SORCS2: variants seen among roughly 807,000 people sequenced by gnomAD.
SORCS2 encodes VPS10 domain-containing receptor SorCS2.
In SORCS2, 100 loss-of-function variants were observed where a neutral mutation model predicts 141.6. That is an observed-to-expected ratio of 0.71 (90% CI 0.60 to 0.83). SORCS2 has a LOEUF of 0.83. Among genes scored for constraint, SORCS2 ranks in the 40% least tolerant of loss-of-function variants. The pLI is 0.00. For synonymous variants in SORCS2, 789 were observed against 676.9 expected (o/e 1.17, Z -2.57); for missense variants, 1,646 against 1,560.2 (o/e 1.05, Z -0.93).
chr4:7,421,904 C>G (rs1726092892), intron 2 of SORCS2, among the ~76,000 whole-genome samples: 1 of 96,730 alleles, frequency 1.0e-5, no homozygotes, highest in Non-Finnish European at 2.3e-5. Context: ...AGAGGGAGGG[C>G]AGGGGCTGGG....
At chr4:7,277,086 GC>G (rs1202057466) in intron 1 of SORCS2, among the ~76,000 whole-genome samples, 1 of 123,086 alleles carries the variant, frequency 8.1e-6, no homozygotes, top group Non-Finnish European at 1.6e-5. Flanking sequence ...GGCTCTCCCT[GC>G]CCCCACGTCC....
chr4:7,345,772 C>T lies in SORCS2; in HGVS notation c.481-50516C>T, dbSNP rs551892384. ...AAGATCTTTGGTAACCCTTCTGCAG[C>T]AGACCCAGTCTTCCTTCCTGCCGCC... is the stretch of plus-strand genomic sequence containing the variant. On this transcript the variant is annotated intron_variant, in intron 1 of 26. Transcript: ENST00000507866. Among the ~76,000 whole-genome samples, 112 of 152,220 alleles carry T rather than the reference C, an allele frequency of 7.4e-4. 1 individual carries two copies. The highest frequency in any genetic ancestry group is 6.8e-4 in the Non-Finnish European group (46 of 68,036).
chr4:7,237,101 G>A lies in SORCS2; in HGVS notation c.480+43975G>A, dbSNP rs528044864. Among the ~76,000 whole-genome samples the A allele has an allele frequency of 2.6e-5, 4 of 152,324 alleles. No individual in the cohort carries two copies. The East Asian group carries it at 5.8e-4, about 22-fold the overall frequency. On this transcript the variant is annotated intron_variant, in intron 1 of 26. Coordinates refer to ENST00000507866, the MANE Select transcript of SORCS2 (RefSeq NM_020777.3). ...AGTTCCTGGCAGTGGTGCAGGAGGAGTTTGGGGCCTCAAGTCCGGCCGAGA... is the reference window on the plus strand; with the variant it reads ...AGTTCCTGGCAGTGGTGCAGGAGGAATTTGGGGCCTCAAGTCCGGCCGAGA...
At chr4:7,732,475 C>T (rs1002757691) in intron 23 of SORCS2, among the ~76,000 whole-genome samples, 3 of 152,152 alleles carry the variant, frequency 2.0e-5, no homozygotes, top group Admixed American at 6.5e-5. Flanking sequence ...GGAGGATGCC[C>T]GTGGCCCACA....
At chr4:7,380,418 G>A (rs577578919) in intron 1 of SORCS2, among the ~76,000 whole-genome samples, 3 of 152,352 alleles carry the variant, frequency 2.0e-5, no homozygotes, top group African/African-American at 4.8e-5. Flanking sequence ...CCCCGTCACC[G>A]GACTCCTGGG....
chr4:7,416,497 G>C (rs1258277209), intron 2 of SORCS2, among the ~76,000 whole-genome samples: 2 of 151,990 alleles, frequency 1.3e-5, no homozygotes, highest in African/African-American at 2.4e-5. Flanking sequence ...CGCTCACACA[G>C]ACACGCACGC....
chr4:7,706,810 GCTCTGTCTGGGCAGGGATGAGGCTGGA>G (rs2109023679), intron 14 of SORCS2, among the ~76,000 whole-genome samples: 1 of 151,576 alleles, frequency 6.6e-6, no homozygotes, highest in African/African-American at 2.4e-5. Context: ...ATGAGGCTGG[GCTCTGTCTGGGCAGGGATGAGGCTGGA>G]CTCTGCAGGG....
chr4:7,386,642 CAGAT>C (rs371666576), intron 1 of SORCS2, among the ~76,000 whole-genome samples: 1,796 of 151,308 alleles, frequency 0.012, 39 homozygotes, highest in African/African-American at 0.042. Context: ...CATGCACACA[CAGAT>C]ACACAGAAAT....
chr4:7,408,369 A>G (rs1445186812), intron 2 of SORCS2, among the ~76,000 whole-genome samples: 2 of 149,248 alleles, frequency 1.3e-5, no homozygotes, highest in African/African-American at 4.9e-5. Flanking sequence ...TGCTGGCTAT[A>G]GTATTCTTGG....
intron 3 of SORCS2, among the ~76,000 whole-genome samples, chr4:7,622,187 T>C (rs1008715599): frequency 2.6e-5 from 4 of 151,986 alleles, no homozygotes; most frequent in African/African-American, 7.2e-5. Flanking sequence ...CTCCAACCTG[T>C]AGCTCGGGTG....
intron 19 of SORCS2, among the ~76,000 whole-genome samples, chr4:7,724,603 GTGATAGTGC>G (rs1726970926): frequency 8.4e-6 from 1 of 118,636 alleles, no homozygotes; most frequent in Non-Finnish European, 1.8e-5. Context: ...GGTGATGGTG[GTGATAGTGC>G]TGGTGAGGAT....
At chr4:7,418,418 G>T (rs1246024586) in intron 2 of SORCS2, among the ~76,000 whole-genome samples, 2 of 152,152 alleles carry the variant, frequency 1.3e-5, no homozygotes, top group African/African-American at 4.8e-5. Flanking sequence ...ATCTAAGTTA[G>T]CCAACAGTTA....
rs866177401 is a variant in SORCS2 at position 7,588,173 on chromosome 4, G to A, written c.649-50155G>A. On this transcript the variant is annotated intron_variant, in intron 3 of 26. Transcript: ENST00000507866. ...GCTTGTTAACCAGAACATCTTCTGC[G>A]GTCGGCAAATCCTTTCTGTTCTCTG... Among the ~76,000 whole-genome samples the A allele has an allele frequency of 3.9e-5, 6 of 152,274 alleles. 1 individual carries two copies. The Middle Eastern group carries it at 0.017, about 432-fold the overall frequency.
At chr4:7,693,889 G>T (rs1226344220) in intron 11 of SORCS2, among the ~76,000 whole-genome samples, 1 of 152,232 alleles carries the variant, frequency 6.6e-6, no homozygotes, top group African/African-American at 2.4e-5. Context: ...GGGCCTGGGT[G>T]GGGTTGGGAG....
At position 7,741,367 on chromosome 4, in the gene SORCS2, C is replaced by T. The variant is rs892832247; in HGVS notation, c.*1103C>T. 3.7e-5 allele frequency: 11 copies of T among 296,046 alleles called. No homozygotes were observed. The highest frequency in any genetic ancestry group is 3.1e-4 in the South Asian group (2 of 6,442). The allele number at this position is 296,046 out of a possible 1,614,324, so 18.3% of individuals were successfully genotyped here. A position where few individuals can be genotyped will look rare whatever the true frequency, so the allele number is the denominator to read the frequency against. ...AGAGGTGGCCGAACCCAGCCCTCTG[C>T]GCGCCAGTGCTGTGCGGTCTCCACA... On this transcript the variant is annotated 3_prime_UTR_variant, in exon 27 of 27. Transcript: ENST00000507866.
At chr4:7,388,669 A>G (rs1436710285) in intron 1 of SORCS2, among the ~76,000 whole-genome samples, 1 of 152,122 alleles carries the variant, frequency 6.6e-6, no homozygotes, top group Non-Finnish European at 1.5e-5. Flanking sequence ...GATAAAATTC[A>G]TGTCACACGA....
chr4:7,724,256 T>A (rs928700700), intron 19 of SORCS2, among the ~76,000 whole-genome samples: 4 of 144,370 alleles, frequency 2.8e-5, no homozygotes, highest in African/African-American at 7.9e-5. Flanking sequence ...GACGTTGGTG[T>A]TGGTGATGGT....
At chr4:7,453,756 CTG>C (rs1198188326) in intron 2 of SORCS2, among the ~76,000 whole-genome samples, 3 of 116,612 alleles carry the variant, frequency 2.6e-5, no homozygotes, top group East Asian at 2.8e-4. Context: ...GGGTCAGGAG[CTG>C]TGTGTTGGGG....
At chr4:7,312,921 C>A (rs73208454) in intron 1 of SORCS2, among the ~76,000 whole-genome samples, 33,359 of 152,214 alleles carry the variant, frequency 0.22, 3,995 homozygotes, top group Middle Eastern at 0.28. Context: ...GGGCTCCCTG[C>A]AGAGCTGCAG....
Sources: allele counts gnomAD v4.1 joint callset (sites outside exome capture counted in the v4.1 genomes callset), GRCh38; gene constraint gnomAD v4.1.1; transcripts MANE v1.5; gene names NCBI Gene and HGNC (gene_info 2026-07-23, HGNC 2026-07-21).